RAPGEF6: variants seen among roughly 807,000 people sequenced by gnomAD.
RAPGEF6 encodes the protein PDZ domain containing guanine nucleotide exchange factor (GEF) 2.
A neutral mutation model predicts 171.4 loss-of-function variants in RAPGEF6; 56 were observed. That is an observed-to-expected ratio of 0.33 (90% CI 0.26 to 0.41). The LOEUF (loss-of-function observed/expected upper bound fraction) is 0.41, where lower values mean the gene tolerates loss of function less well. Ranked by LOEUF, RAPGEF6 falls within the 10% of genes least tolerant of loss-of-function variation. The probability of loss-of-function intolerance (pLI) is 1.00; values close to 1 mark genes in which losing one functional copy is unlikely to be tolerated. For synonymous variants in RAPGEF6, 692 were observed against 650.1 expected (o/e 1.06, Z -0.98); for missense variants, 1,674 against 1,921.4 (o/e 0.87, Z 2.41).
intron 6 of RAPGEF6, among the ~76,000 whole-genome samples, chr5:131,530,171 ATAAC>A (rs1364283891): frequency 9.9e-5 from 15 of 151,588 alleles, no homozygotes; most frequent in Admixed American, 7.9e-4. Context: ...TAACAAAAAC[ATAAC>A]TAACTACTAA....
intron 6 of RAPGEF6, 103 bp downstream of exon 6, chr5:131,547,944 A>G: frequency 7.7e-7 from 1 of 1,301,600 alleles, no homozygotes; most frequent in Non-Finnish European, 1.1e-6. Flanking sequence ...AAATTTTCAC[A>G]TACAGAGCCC....
At chr5:131,507,706 T>C (rs1249888504) in intron 9 of RAPGEF6, among the ~76,000 whole-genome samples, 3 of 152,192 alleles carry the variant, frequency 2.0e-5, no homozygotes, top group African/African-American at 7.2e-5. Flanking sequence ...AAATTCTTGA[T>C]AAACATTTTA....
intron 11 of RAPGEF6, among the ~76,000 whole-genome samples, chr5:131,499,511 G>A (rs1037360105): frequency 6.7e-6 from 1 of 149,088 alleles, no homozygotes; most frequent in African/African-American, 2.5e-5. Context: ...AACCCGGGAG[G>A]TGGAGGTTGC....
intron 4 of RAPGEF6, among the ~76,000 whole-genome samples, chr5:131,576,661 C>G (rs1387949712): frequency 1.3e-5 from 2 of 152,174 alleles, no homozygotes; most frequent in Non-Finnish European, 1.5e-5. Context: ...CTGTCCCTCA[C>G]GACCAGTTTT....
chr5:131,558,139 T>G (rs1023848507), intron 5 of RAPGEF6, among the ~76,000 whole-genome samples: 1 of 151,974 alleles, frequency 6.6e-6, no homozygotes, highest in Non-Finnish European at 1.5e-5. Context: ...AATGAAAAGG[T>G]TTATAATTAC....
intron 6 of RAPGEF6, among the ~76,000 whole-genome samples, chr5:131,539,356 A>C (rs893981855): frequency 3.9e-5 from 6 of 152,246 alleles, no homozygotes; most frequent in Admixed American, 3.3e-4. Flanking sequence ...ACTTTCACTT[A>C]AACAGTTCAA....
chr5:131,603,119 G>T (rs1414156229), intron 3 of RAPGEF6, 152 bp downstream of exon 3: 5 of 578,074 alleles, frequency 8.6e-6, no homozygotes, highest in Non-Finnish European at 6.1e-6. Context: ...TACACTTTTG[G>T]TGGATTCTAT....
intron 27 of RAPGEF6, among the ~76,000 whole-genome samples, chr5:131,428,163 C>G (rs571777328): frequency 6.6e-6 from 1 of 152,098 alleles, no homozygotes; most frequent in Non-Finnish European, 1.5e-5. Context: ...AATCCCAACA[C>G]TTTCGGAGGC....
At chr5:131,578,391 G>A (rs571072618) in intron 4 of RAPGEF6, among the ~76,000 whole-genome samples, 2 of 152,092 alleles carry the variant, frequency 1.3e-5, no homozygotes, top group South Asian at 4.2e-4. Flanking sequence ...AGGCTGACTG[G>A]GCTACCTCTC....
chr5:131,604,494 A>G (rs1368768248), intron 2 of RAPGEF6, 129 bp downstream of exon 2: 1 of 991,310 alleles, frequency 1.0e-6, no homozygotes, highest in Non-Finnish European at 1.4e-6. Context: ...GAAACCAGGG[A>G]TCTAATCTAT....
intron 4 of RAPGEF6, among the ~76,000 whole-genome samples, chr5:131,583,525 G>A (rs1302198792): frequency 2.0e-5 from 3 of 152,050 alleles, no homozygotes; most frequent in African/African-American, 7.2e-5. Context: ...CCAAATTTTC[G>A]ACAGAGCCTT....
At chr5:131,516,182 G>T (rs1435581399) in intron 7 of RAPGEF6, among the ~76,000 whole-genome samples, 1 of 149,144 alleles carries the variant, frequency 6.7e-6, no homozygotes, top group African/African-American at 2.5e-5. Flanking sequence ...CTGCCTCCTG[G>T]GTTCAAGCGA....
chr5:131,492,810 T>C (rs925945211), intron 13 of RAPGEF6, 25 bp from the exon 14 acceptor site: 14 of 1,572,104 alleles, frequency 8.9e-6, no homozygotes, highest in Non-Finnish European at 1.2e-5. Flanking sequence ...AGGATAAATG[T>C]ATATAAATGT....
rs1457031519 is a variant in RAPGEF6 at position 131,428,998 on chromosome 5, C to T, written c.4684G>A (p.Val1562Ile). Residue 1562 changes from valine (V) to isoleucine (I), a missense_variant, in exon 27 of 28, where the codon GTT (valine) becomes ATT (isoleucine). Physicochemically the swap from Val to Ile is conservative, Grantham distance 29 (BLOSUM62 3). Transcript: ENST00000509018. ...ASLSSNLVACVPSKIVTQPQR... is the reference protein window; with the variant it reads ...ASLSSNLVACIPSKIVTQPQR... Reference sequence around the variant, plus strand: ...GGCTGAGTTACAATCTTCGATGGAACACAGGCCACGAGGTTGCTACTGAGA... The same window carrying T: ...GGCTGAGTTACAATCTTCGATGGAATACAGGCCACGAGGTTGCTACTGAGA... 7 of 1,614,218 alleles carry T rather than the reference C, an allele frequency of 4.3e-6. No homozygotes were observed. Among genetic ancestry groups the T allele is most frequent in the Non-Finnish European group, 5.9e-6 (7 of 1,180,044 alleles).
At chr5:131,561,776 A>G (rs551727470) in intron 5 of RAPGEF6, among the ~76,000 whole-genome samples, 1 of 152,226 alleles carries the variant, frequency 6.6e-6, no homozygotes, top group African/African-American at 2.4e-5. Context: ...ATGTAAGTGT[A>G]TCATGTTTCA....
chr5:131,565,032 A>G (rs1761846317), intron 4 of RAPGEF6, among the ~76,000 whole-genome samples: 1 of 152,142 alleles, frequency 6.6e-6, no homozygotes, highest in Non-Finnish European at 1.5e-5. Context: ...TACGTATTTT[A>G]TATTTTGATC....
intron 21 of RAPGEF6, 95 bp downstream of exon 21, chr5:131,452,959 T>C (rs1334587884): frequency 6.9e-7 from 1 of 1,449,626 alleles, no homozygotes; most frequent in Non-Finnish European, 9.2e-7. Context: ...ACAGCACACA[T>C]GGTAGAATAA....
At chr5:131,521,062 A>C (rs978552140) in intron 7 of RAPGEF6, among the ~76,000 whole-genome samples, 1 of 152,214 alleles carries the variant, frequency 6.6e-6, no homozygotes, top group African/African-American at 2.4e-5. Flanking sequence ...AACAAAAATC[A>C]GCCTTTTTAT....
chr5:131,599,777 T>A (rs1037145434), intron 3 of RAPGEF6, among the ~76,000 whole-genome samples: 19 of 151,690 alleles, frequency 1.3e-4, no homozygotes, highest in South Asian at 4.1e-4. Context: ...TTTTGATAAA[T>A]TTTTTTTTAA....
Sources: gnomAD v4.1 joint callset for allele counts (sites outside exome capture counted in the v4.1 genomes callset) on GRCh38, gnomAD v4.1.1 for gene constraint, MANE v1.5 for transcripts, NCBI Gene and HGNC (gene_info 2026-07-23, HGNC 2026-07-21) for gene names.